MRTFA: variants seen among roughly 807,000 people sequenced by gnomAD.
MRTFA encodes the protein myocardin-related transcription factor A.
A neutral mutation model predicts 83.5 loss-of-function variants in MRTFA; 20 were observed. The observed-to-expected ratio is 0.24, with a 90% confidence interval of 0.17 to 0.35. The LOEUF is 0.35. MRTFA is among the 10% of genes least tolerant of loss of function. The pLI is 1.00. For synonymous variants in MRTFA, 659 were observed against 541.2 expected, an observed-to-expected ratio of 1.22 and a Z score of -3.02; for missense variants, 1,200 against 1,224.7, an observed-to-expected ratio of 0.98 and a Z score of 0.30.
chr22:40,605,029 G>GA (rs1479490853), intron 1 of MRTFA, among the ~76,000 whole-genome samples: 1 of 152,002 alleles, frequency 6.6e-6, no homozygotes, highest in Admixed American at 6.6e-5. Flanking sequence ...CCCAAAACAC[G>GA]AATCATTTAT....
Position 40,418,934 on chromosome 22 carries a change from C to T in MRTFA, c.1804G>A (p.Gly602Ser), listed in dbSNP as rs2147068186. The change falls in exon 12 of 15, where the codon GGC (glycine) becomes AGC (serine). Residue 602 changes from glycine (G) to serine (S), a missense_variant. This residue lies in a region of MRTFA where 1,107 missense variants were observed against 1,041.8 expected (regional missense o/e 1.06). Coordinates refer to ENST00000355630, the MANE Select transcript of MRTFA (RefSeq NM_020831.6). ...AGGCAACAGGACCCGGCCCGGGGGC[C>T]CTCCTCCTTCACGAGGATCTGCAGT... The T allele has an allele frequency of 4.3e-6, 7 of 1,612,812 alleles. No homozygotes were observed. Among genetic ancestry groups the T allele is most frequent in the Non-Finnish European group, 5.1e-6 (6 of 1,179,940 alleles).
In MRTFA at chr22:40,429,639, G is replaced by A. The variant is rs768404874; in HGVS notation, c.568C>T (p.Pro190Ser). The change falls in exon 7 of 15, where the codon CCT becomes TCT. Residue 190 changes from proline (P) to serine (S), a missense_variant. Transcript: ENST00000355630. ...GCTTCCTTCAGGCTGGACTCAACAG[G>A]AAGGATGTTCTTCTCCACCAGCTCC... is the stretch of plus-strand genomic sequence containing the variant. 6.2e-7 allele frequency: 1 copy of A among 1,614,160 alleles called. No homozygotes were observed. Among genetic ancestry groups the A allele is most frequent in the Non-Finnish European group, 8.5e-7 (1 of 1,180,024 alleles).
rs747812349 is a variant in MRTFA at position 40,418,840 on chromosome 22, T to G, written c.1898A>C (p.Gln633Pro). Residue 633 changes from glutamine (Q) to proline (P), a missense_variant, in exon 12 of 15, where the codon CAG (glutamine) becomes CCG (proline). By Grantham distance (76) the Gln-to-Pro change is moderately conservative. Transcript: ENST00000355630. ...GAGCATGCGCGTCAGCGCCTCGATC[T>G]GCTTGTCTTTCTCCTGCAGCATCTG... The G allele has an allele frequency of 6.2e-7, 1 of 1,612,070 alleles. No individual in the cohort carries two copies. Among genetic ancestry groups the G allele is most frequent in the South Asian group, 1.1e-5 (1 of 91,074 alleles).
intron 3 of MRTFA, among the ~76,000 whole-genome samples, chr22:40,544,568 G>A (rs1397250477): frequency 1.3e-5 from 2 of 152,094 alleles, no homozygotes; most frequent in Non-Finnish European, 2.9e-5. Flanking sequence ...TAAAGAGAAA[G>A]AAAAAGACAA....
chr22:40,619,513 C>T (rs2056493630), intron 1 of MRTFA, among the ~76,000 whole-genome samples: 1 of 152,194 alleles, frequency 6.6e-6, no homozygotes, highest in Non-Finnish European at 1.5e-5. Flanking sequence ...GATTCCCAAG[C>T]AACATACTGA....
At chr22:40,533,154 G>T (rs369169735) in intron 3 of MRTFA, among the ~76,000 whole-genome samples, 18 of 151,940 alleles carry the variant, frequency 1.2e-4, no homozygotes, top group African/African-American at 4.4e-4. Flanking sequence ...GGTACAGAAA[G>T]GTTATACCAC....
intron 3 of MRTFA, among the ~76,000 whole-genome samples, chr22:40,512,363 A>G (rs547315516): frequency 1.3e-5 from 2 of 152,326 alleles, no homozygotes; most frequent in South Asian, 2.1e-4. Flanking sequence ...AGCTTCTTCA[A>G]TTTTGGTAAT....
chr22:40,450,746 C>T (rs2053471859), intron 4 of MRTFA, among the ~76,000 whole-genome samples: 1 of 152,174 alleles, frequency 6.6e-6, no homozygotes, highest in African/African-American at 2.4e-5. Flanking sequence ...GCTTGAGCCA[C>T]CACACCCAGC....
At chr22:40,440,700 G>C (rs1238244315) in intron 4 of MRTFA, among the ~76,000 whole-genome samples, 3 of 152,124 alleles carry the variant, frequency 2.0e-5, no homozygotes, top group Non-Finnish European at 4.4e-5. Flanking sequence ...CGCCAGCTTT[G>C]TTAAAAGCCA....
chr22:40,458,703 C>T (rs141925919), intron 4 of MRTFA, among the ~76,000 whole-genome samples: 438 of 152,224 alleles, frequency 2.9e-3, no homozygotes, highest in Non-Finnish European at 4.5e-3. Context: ...CCATAACTAA[C>T]GTGCCCATTC....
intron 2 of MRTFA, chr22:40,587,605 G>A: frequency 3.3e-6 from 1 of 303,852 alleles, no homozygotes; most frequent in Non-Finnish European, 6.6e-6. Flanking sequence ...CACTGGTAAG[G>A]CAGAGGCAGC....
chr22:40,484,450 G>A (rs2054142192), intron 3 of MRTFA, among the ~76,000 whole-genome samples: 12 of 152,112 alleles, frequency 7.9e-5, no homozygotes, highest in Admixed American at 7.9e-4. Context: ...TTTAACTACT[G>A]TAGGATTTTC....
At chr22:40,598,535 G>A (rs993831996) in intron 1 of MRTFA, among the ~76,000 whole-genome samples, 3 of 152,122 alleles carry the variant, frequency 2.0e-5, no homozygotes, top group African/African-American at 7.2e-5. Flanking sequence ...AAATGAGCCA[G>A]AATCTGATTA....
chr22:40,469,385 C>G (rs1422507080), intron 3 of MRTFA, among the ~76,000 whole-genome samples: 2 of 152,168 alleles, frequency 1.3e-5, no homozygotes, highest in African/African-American at 4.8e-5. Context: ...TGCTCCCTCT[C>G]TCGCCATGTG....
intron 1 of MRTFA, among the ~76,000 whole-genome samples, chr22:40,601,107 G>C (rs17002036): frequency 6.6e-6 from 1 of 152,100 alleles, no homozygotes; most frequent in African/African-American, 2.4e-5. Context: ...AGCATCTCCT[G>C]TTTGACCATT....
At chr22:40,497,862 A>C (rs6001942) in intron 3 of MRTFA, among the ~76,000 whole-genome samples, 1 of 150,604 alleles carries the variant, frequency 6.6e-6, no homozygotes, top group Non-Finnish European at 1.5e-5. Flanking sequence ...GGCCGGGCAC[A>C]GTAGCTCACA....
chr22:40,518,032 G>GC (rs1416438518), intron 3 of MRTFA, among the ~76,000 whole-genome samples: 1 of 152,158 alleles, frequency 6.6e-6, no homozygotes, highest in African/African-American at 2.4e-5. Flanking sequence ...GGGGTCGTAT[G>GC]CCCAGAGAAG....
intron 2 of MRTFA, chr22:40,586,806 A>G: frequency 2.7e-6 from 1 of 373,376 alleles, no homozygotes; most frequent in Non-Finnish European, 5.3e-6. Context: ...TCCTGCTTAA[A>G]AACAACAACC....
rs1039847909 is a variant in MRTFA at position 40,561,261 on chromosome 22, T to G, written c.-21-8894A>C. Among the ~76,000 whole-genome samples, 7 of 151,604 alleles carry G rather than the reference T, an allele frequency of 4.6e-5. No individual in the cohort carries two copies. The East Asian group carries it at 5.8e-4, about 13-fold the overall frequency. On this transcript the variant is annotated intron_variant, in intron 2 of 14. Transcript: ENST00000355630. ...AAAATCTGGTATGAAGGAATTCAAATCAACTGAACAAGTGTTTCCTGATAG... is the reference window on the plus strand; with the variant it reads ...AAAATCTGGTATGAAGGAATTCAAAGCAACTGAACAAGTGTTTCCTGATAG...
Sources: allele counts gnomAD v4.1 joint callset (sites outside exome capture counted in the v4.1 genomes callset), GRCh38; gene constraint gnomAD v4.1.1; regional missense constraint gnomAD v4.1.1; transcripts MANE v1.5; gene names NCBI Gene and HGNC (gene_info 2026-07-23, HGNC 2026-07-21).